TMEM132D: variants seen among roughly 807,000 people sequenced by gnomAD.
TMEM132D encodes mature OL transmembrane protein.
A neutral mutation model predicts 62.3 loss-of-function variants in TMEM132D; 21 were observed. The ratio of observed to expected loss-of-function variants is 0.34; its 90% CI spans 0.24 to 0.49. TMEM132D has a LOEUF of 0.49. Among genes scored for constraint, TMEM132D ranks in the 20% least tolerant of loss-of-function variants. TMEM132D has a pLI of 0.99. For missense variants in TMEM132D, 1,346 were observed against 1,402.8 expected (o/e 0.96, Z 0.65); for synonymous variants, 621 against 575.6 (o/e 1.08, Z -1.13).
At chr12:129,486,240 C>A (rs1874575058) in intron 3 of TMEM132D, among the ~76,000 whole-genome samples, 1 of 152,234 alleles carries the variant, frequency 6.6e-6, no homozygotes, top group African/African-American at 2.4e-5. Flanking sequence ...CATCACACAC[C>A]TTTTATCAGC....
chr12:129,137,130 T>TTACTATCATCAC (rs1876600684), intron 5 of TMEM132D, among the ~76,000 whole-genome samples: 1 of 146,296 alleles, frequency 6.8e-6, no homozygotes, highest in African/African-American at 2.5e-5. Flanking sequence ...ACCATCATCA[T>TTACTATCATCAC]CACCATCACT....
At chr12:129,394,576 G>A (rs1438499305) in intron 3 of TMEM132D, among the ~76,000 whole-genome samples, 2 of 152,220 alleles carry the variant, frequency 1.3e-5, no homozygotes, top group African/African-American at 4.8e-5. Flanking sequence ...CTGGAGAAGG[G>A]GGAGACAGAG....
At chr12:129,147,750 G>A (rs1331344406) in intron 5 of TMEM132D, among the ~76,000 whole-genome samples, 1 of 152,156 alleles carries the variant, frequency 6.6e-6, no homozygotes, top group Non-Finnish European at 1.5e-5. Context: ...CCTGGTCAAG[G>A]TGTTGGCTGC....
intron 5 of TMEM132D, among the ~76,000 whole-genome samples, chr12:129,188,052 T>C (rs11060190): frequency 0.3 from 45,264 of 152,142 alleles, 7,220 homozygotes; most frequent in East Asian, 0.54. Context: ...GGCTGCAGTT[T>C]TAATCTCTCT....
intron 3 of TMEM132D, among the ~76,000 whole-genome samples, chr12:129,473,991 T>C (rs1486190643): frequency 6.6e-6 from 1 of 152,224 alleles, no homozygotes; most frequent in African/African-American, 2.4e-5. Context: ...GTGTTGTTTT[T>C]TGGAGACTTT....
intron 4 of TMEM132D, among the ~76,000 whole-genome samples, chr12:129,244,070 A>C (rs572594906): frequency 3.5e-4 from 54 of 152,228 alleles, no homozygotes; most frequent in East Asian, 5.8e-4. Flanking sequence ...ACAGTGAGGG[A>C]AATGAGCCCA....
intron 3 of TMEM132D, among the ~76,000 whole-genome samples, chr12:129,366,338 C>T (rs1054163256): frequency 6.6e-6 from 1 of 152,088 alleles, no homozygotes; most frequent in African/African-American, 2.4e-5. Context: ...TTGGCACTGT[C>T]CTTGCAAATA....
intron 4 of TMEM132D, among the ~76,000 whole-genome samples, chr12:129,270,075 TG>T (rs1880811769): frequency 6.6e-6 from 1 of 152,212 alleles, no homozygotes; most frequent in Non-Finnish European, 1.5e-5. Flanking sequence ...TGATAAGCTC[TG>T]GCTTTTCAGA....
intron 3 of TMEM132D, among the ~76,000 whole-genome samples, chr12:129,418,317 C>T (rs1490711096): frequency 1.3e-5 from 2 of 152,134 alleles, no homozygotes; most frequent in Admixed American, 1.3e-4. Context: ...AACCCAAATG[C>T]CCGTCAATGA....
chr12:129,466,946 T>G (rs1031136493), intron 3 of TMEM132D, among the ~76,000 whole-genome samples: 1 of 152,202 alleles, frequency 6.6e-6, no homozygotes, highest in South Asian at 2.1e-4. Flanking sequence ...TACTCTGCAC[T>G]GCTGTAATTA....
At chr12:129,581,700 G>C (rs541222471) in intron 2 of TMEM132D, among the ~76,000 whole-genome samples, 2 of 152,144 alleles carry the variant, frequency 1.3e-5, no homozygotes, top group South Asian at 4.1e-4. Context: ...TGATTGGATG[G>C]TGTCACCCAG....
chr12:129,580,122 G>A (rs1461015637), intron 2 of TMEM132D, among the ~76,000 whole-genome samples: 1 of 152,216 alleles, frequency 6.6e-6, no homozygotes, highest in Non-Finnish European at 1.5e-5. Context: ...GAAAGGAAGG[G>A]AGGTTTATCT....
chr12:129,783,023 A>G (rs1871164042), intron 1 of TMEM132D, among the ~76,000 whole-genome samples: 1 of 152,220 alleles, frequency 6.6e-6, no homozygotes, highest in Non-Finnish European at 1.5e-5. Context: ...TAGTCGCAGT[A>G]GGTTGGTGAA....
At chr12:129,588,676 A>G (rs192964755) in intron 2 of TMEM132D, among the ~76,000 whole-genome samples, 2,392 of 148,140 alleles carry the variant, frequency 0.016, 34 homozygotes, top group Non-Finnish European at 0.021. Context: ...CCAGGTTCAC[A>G]CCATTCTCCT....
chr12:129,747,851 GACAC>G lies in TMEM132D; in HGVS notation c.80-47157_80-47154del, dbSNP rs539892119. 2.6e-3 allele frequency among the ~76,000 whole-genome samples: 227 copies of G among 86,388 alleles called. 1 individual carries two copies. Among genetic ancestry groups the G allele is most frequent in the African/African-American group, 7.1e-3 (211 of 29,574 alleles). 56.7% of individuals were successfully genotyped at this position (86,388 alleles called of 152,430 possible). ...CTCGACACACATTCAGACACACACA[GACAC>G]ACACACACACGACACACACACACAT... On this transcript the variant is annotated intron_variant, in intron 1 of 8. Coordinates refer to ENST00000422113, the MANE Select transcript of TMEM132D (RefSeq NM_133448.3).
At chr12:129,546,017 C>G (rs140328081) in intron 2 of TMEM132D, among the ~76,000 whole-genome samples, 44 of 152,252 alleles carry the variant, frequency 2.9e-4, no homozygotes, top group Non-Finnish European at 5.4e-4. Flanking sequence ...GTTGTCTGAG[C>G]TAGCGTGGGG....
intron 2 of TMEM132D, among the ~76,000 whole-genome samples, chr12:129,652,502 C>T (rs1397165691): frequency 6.6e-6 from 1 of 152,092 alleles, no homozygotes; most frequent in Non-Finnish European, 1.5e-5. Flanking sequence ...TCTGAGCGGG[C>T]CTAATGACAA....
At chr12:129,582,825 A>G (rs1395894051) in intron 2 of TMEM132D, among the ~76,000 whole-genome samples, 1 of 152,144 alleles carries the variant, frequency 6.6e-6, no homozygotes, top group Non-Finnish European at 1.5e-5. Flanking sequence ...GGGTTTCACC[A>G]TGTTGGCCAG....
intron 5 of TMEM132D, among the ~76,000 whole-genome samples, chr12:129,139,665 G>A (rs938446557): frequency 5.9e-5 from 9 of 152,170 alleles, no homozygotes; most frequent in African/African-American, 2.2e-4. Flanking sequence ...ACCTGTTGAT[G>A]TCTGCAGATA....
Sources: gnomAD v4.1 joint callset for allele counts (sites outside exome capture counted in the v4.1 genomes callset) on GRCh38, gnomAD v4.1.1 for gene constraint, MANE v1.5 for transcripts, NCBI Gene and HGNC (gene_info 2026-07-23, HGNC 2026-07-21) for gene names.